SRSF10: variants seen among roughly 807,000 people sequenced by gnomAD.
SRSF10 encodes the protein serine and arginine rich splicing factor 10.
A neutral mutation model predicts 32.6 loss-of-function variants in SRSF10; 9 were observed. The ratio of observed to expected loss-of-function variants is 0.28; its 90% confidence interval spans 0.17 to 0.48. The LOEUF is 0.48. Among genes scored for constraint, SRSF10 ranks in the 20% least tolerant of loss-of-function variants. The pLI is 0.99. For synonymous variants in SRSF10, 105 were observed against 112.4 expected, an observed-to-expected ratio of 0.93 and a Z score of 0.42; for missense variants, 201 against 331.8, an observed-to-expected ratio of 0.61 and a Z score of 3.06.
rs1641607994 is a variant in SRSF10 at position 23,969,279 on chromosome 1, G to A, written c.*1863C>T. Reference sequence around the variant, plus strand: ...GTTTAACCCCACAACTTTCCTCTTTGCTAGAACTGTAAACTACTGCTACAG... The same window carrying A: ...GTTTAACCCCACAACTTTCCTCTTTACTAGAACTGTAAACTACTGCTACAG... On this transcript the variant is annotated 3_prime_UTR_variant, in exon 6 of 6. Coordinates refer to ENST00000492112, the MANE Select transcript of SRSF10 (RefSeq NM_054016.4). 1 of 985,336 alleles carries A rather than the reference G, an allele frequency of 1.0e-6. No individual in the cohort carries two copies. 61.0% of individuals were successfully genotyped at this position (985,336 alleles called of 1,614,324 possible). A position where few individuals can be genotyped will look rare whatever the true frequency, so the allele number is the denominator to read the frequency against.
intron 2 of SRSF10, chr1:23,977,898 T>C (rs951384368): frequency 6.1e-6 from 6 of 983,882 alleles, no homozygotes; most frequent in Non-Finnish European, 7.2e-6. Context: ...AAAATAGTTA[T>C]TCTGTAGGAT....
chr1:23,974,263 C>T (rs1019246329), intron 3 of SRSF10, among the ~76,000 whole-genome samples: 26 of 152,262 alleles, frequency 1.7e-4, no homozygotes, highest in Middle Eastern at 3.4e-3. Flanking sequence ...CTGCACCCTG[C>T]GGTTATTTTA....
Position 23,970,438 on chromosome 1 carries a change from G to T in SRSF10, c.*704C>A. ...TGCAGTGGCGTGATTTTGGCTCACT[G>T]CAACTTCTACCTCCCAGGTTCAAGC... On this transcript the variant is annotated 3_prime_UTR_variant, in exon 6 of 6. Transcript: ENST00000492112. 5.1e-6 allele frequency: 4 copies of T among 790,660 alleles called. No individual in the cohort carries two copies. The highest frequency in any genetic ancestry group is 5.8e-5 in the South Asian group (1 of 17,138). The allele number at this position is 790,660 out of a possible 1,614,324, so 49.0% of individuals were successfully genotyped here.
At position 23,965,254 on chromosome 1, in the gene SRSF10, G is replaced by C. The variant is rs1278675762; in HGVS notation, c.*5888C>G. ...TAGAATGCCCTCAGATTATTCCTGA[G>C]CTATCACTCAAGTCACAGATACTTC... is the stretch of plus-strand genomic sequence containing the variant. On this transcript the variant is annotated 3_prime_UTR_variant, in exon 6 of 6. Coordinates refer to ENST00000492112, the MANE Select transcript of SRSF10 (RefSeq NM_054016.4). 4 of 151,964 alleles carry C rather than the reference G, an allele frequency of 2.6e-5. No individual in the cohort carries two copies. The highest frequency in any genetic ancestry group is 4.4e-5 in the Non-Finnish European group (3 of 67,862). The allele number at this position is 151,964 out of a possible 1,614,324, so 9.4% of individuals were successfully genotyped here.
chr1:23,979,919 C>T (rs111422740), intron 1 of SRSF10, among the ~76,000 whole-genome samples: 1 of 150,412 alleles, frequency 6.6e-6, no homozygotes, highest in African/African-American at 2.5e-5. Context: ...CTGCTCGCGC[C>T]GGCAGGAAGC....
Position 23,980,309 on chromosome 1 carries a change from G to A in SRSF10, c.-54C>T. ...TAACGGGCTCAGCAAACCGTCCGCGGCTCAGGCGGCCGAGCCTCAGACACA... is the reference window on the plus strand; with the variant it reads ...TAACGGGCTCAGCAAACCGTCCGCGACTCAGGCGGCCGAGCCTCAGACACA... On this transcript the variant is annotated 5_prime_UTR_variant, in exon 1 of 6. Coordinates refer to ENST00000492112, the MANE Select transcript of SRSF10 (RefSeq NM_054016.4). The A allele has an allele frequency of 8.7e-6, 12 of 1,385,024 alleles. No homozygotes were observed. The highest frequency in any genetic ancestry group is 1.5e-5 in the African/African-American group (1 of 66,258). 85.8% of individuals were successfully genotyped at this position (1,385,024 alleles called of 1,614,324 possible).
chr1:23,978,671 C>T, intron 2 of SRSF10, 42 bp downstream of exon 2: 3 of 1,584,640 alleles, frequency 1.9e-6, no homozygotes, highest in Non-Finnish European at 2.6e-6. Context: ...GAATTTCAAA[C>T]TTCAACACCC....
rs1641682874 is a variant in SRSF10 at position 23,970,456 on chromosome 1, G to A, written c.*686C>T. ...GCTCACTGCAACTTCTACCTCCCAG[G>A]TTCAAGCGATTCTCTTGCCTCAGCC... On this transcript the variant is annotated 3_prime_UTR_variant, in exon 6 of 6. Coordinates refer to ENST00000492112, the MANE Select transcript of SRSF10 (RefSeq NM_054016.4). 1.5e-6 allele frequency: 1 copy of A among 675,710 alleles called. No homozygotes were observed. The highest frequency in any genetic ancestry group is 1.8e-6 in the Non-Finnish European group (1 of 549,906). The allele number at this position is 675,710 out of a possible 1,614,324, so 41.9% of individuals were successfully genotyped here. A position where few individuals can be genotyped will look rare whatever the true frequency, so the allele number is the denominator to read the frequency against.
chr1:23,967,770 C>T lies in SRSF10; in HGVS notation c.*3372G>A. 1 of 1,607,352 alleles carries T rather than the reference C, an allele frequency of 6.2e-7. No homozygotes were observed. The highest frequency in any genetic ancestry group is 8.5e-7 in the Non-Finnish European group (1 of 1,176,256). On this transcript the variant is annotated 3_prime_UTR_variant, in exon 6 of 6. Coordinates refer to ENST00000492112, the MANE Select transcript of SRSF10 (RefSeq NM_054016.4). ...TGTCAGTTTGGTTTCCTTTATTCTTCTCTGTGGTATACAGGATTTTGTTAG... is the reference window on the plus strand; with the variant it reads ...TGTCAGTTTGGTTTCCTTTATTCTTTTCTGTGGTATACAGGATTTTGTTAG...
At position 23,964,779 on chromosome 1, in the gene SRSF10, A is replaced by G. The variant is rs1490289857; in HGVS notation, c.*6363T>C. The G allele has an allele frequency of 2.0e-5, 3 of 151,974 alleles. No homozygotes were observed. Among genetic ancestry groups the G allele is most frequent in the Non-Finnish European group, 2.9e-5 (2 of 67,870 alleles). 9.4% of individuals were successfully genotyped at this position (151,974 alleles called of 1,614,324 possible). A position where few individuals can be genotyped will look rare whatever the true frequency, so the allele number is the denominator to read the frequency against. On this transcript the variant is annotated 3_prime_UTR_variant, in exon 6 of 6. Transcript: ENST00000492112. ...GTACCCAGGTGGTTACAAATCTAAG[A>G]GCAAAATCTTAAAAAAACCCAAGAT...
At position 23,965,076 on chromosome 1, in the gene SRSF10, CCA is replaced by C. The variant is rs1641389070; in HGVS notation, c.*6064_*6065del. 1.3e-5 allele frequency: 2 copies of C among 151,916 alleles called. No individual in the cohort carries two copies. Among genetic ancestry groups the C allele is most frequent in the Admixed American group, 6.6e-5 (1 of 15,252 alleles). The allele number at this position is 151,916 out of a possible 1,614,324, so 9.4% of individuals were successfully genotyped here. A position where few individuals can be genotyped will look rare whatever the true frequency, so the allele number is the denominator to read the frequency against. ...AAAAACCCAAGAGAAGGAAACTTTT[CCA>C]CAGTGACTAGCAGAATGTCTTGTAG... On this transcript the variant is annotated 3_prime_UTR_variant, in exon 6 of 6. Coordinates refer to ENST00000492112, the MANE Select transcript of SRSF10 (RefSeq NM_054016.4).
intron 1 of SRSF10, among the ~76,000 whole-genome samples, chr1:23,979,740 G>A (rs954303822): frequency 1.3e-5 from 2 of 152,188 alleles, no homozygotes; most frequent in Admixed American, 1.3e-4. Context: ...CAACAACAAA[G>A]ATAAATGGTA....
In SRSF10 at chr1:23,970,072, T is replaced by C. The variant is rs1242657275; in HGVS notation, c.*1070A>G. ...ACTTACTTAACAGCAGTAAGAAAAC[T>C]AAGCAATATTATGGTCAACAACGCT... On this transcript the variant is annotated 3_prime_UTR_variant, in exon 6 of 6. Coordinates refer to ENST00000492112, the MANE Select transcript of SRSF10 (RefSeq NM_054016.4). 1 of 985,310 alleles carries C rather than the reference T, an allele frequency of 1.0e-6. No homozygotes were observed. Among genetic ancestry groups the C allele is most frequent in the Admixed American group, 6.1e-5 (1 of 16,266 alleles). The allele number at this position is 985,310 out of a possible 1,614,324, so 61.0% of individuals were successfully genotyped here. A position where few individuals can be genotyped will look rare whatever the true frequency, so the allele number is the denominator to read the frequency against.
chr1:23,970,195 T>C lies in SRSF10; in HGVS notation c.*947A>G. 2 of 985,368 alleles carry C rather than the reference T, an allele frequency of 2.0e-6. No homozygotes were observed. Among genetic ancestry groups the C allele is most frequent in the Non-Finnish European group, 1.2e-6 (1 of 829,926 alleles). The allele number at this position is 985,368 out of a possible 1,614,324, so 61.0% of individuals were successfully genotyped here. A position where few individuals can be genotyped will look rare whatever the true frequency, so the allele number is the denominator to read the frequency against. On this transcript the variant is annotated 3_prime_UTR_variant, in exon 6 of 6. Transcript: ENST00000492112. Reference sequence around the variant, plus strand: ...TCAAATTTTAAGGTGAGTTTTTGTGTTTTCTATGTTCCAAATCTTCATAGG... The same window carrying C: ...TCAAATTTTAAGGTGAGTTTTTGTGCTTTCTATGTTCCAAATCTTCATAGG...
chr1:23,976,165 A>T (rs1218639080), intron 2 of SRSF10: 1 of 152,206 alleles, frequency 6.6e-6, no homozygotes, highest in Non-Finnish European at 1.5e-5. Context: ...TCTAGTTTGC[A>T]CATTTCTTTT....
At chr1:23,979,643 T>C (rs374450053) in intron 1 of SRSF10, among the ~76,000 whole-genome samples, 1 of 152,162 alleles carries the variant, frequency 6.6e-6, no homozygotes, top group African/African-American at 2.4e-5. Flanking sequence ...AACATTTAAC[T>C]GGAAAAATCT....
intron 3 of SRSF10, among the ~76,000 whole-genome samples, chr1:23,974,455 CT>C (rs1641960520): frequency 6.6e-6 from 1 of 152,174 alleles, no homozygotes; most frequent in Admixed American, 6.5e-5. Flanking sequence ...TCTCCACCTC[CT>C]ACTTACACTT....
In SRSF10 at chr1:23,969,024, T is replaced by G; in HGVS notation, c.*2118A>C. 1.3e-6 allele frequency: 1 copy of G among 758,478 alleles called. No homozygotes were observed. Among genetic ancestry groups the G allele is most frequent in the Non-Finnish European group, 1.6e-6 (1 of 622,682 alleles). The allele number at this position is 758,478 out of a possible 1,614,324, so 47.0% of individuals were successfully genotyped here. ...TATTCCTAAATCTATAAAGGACTGTTTCCATTGTTATTTTAGAATCATATT... is the reference window on the plus strand; with the variant it reads ...TATTCCTAAATCTATAAAGGACTGTGTCCATTGTTATTTTAGAATCATATT... On this transcript the variant is annotated 3_prime_UTR_variant, in exon 6 of 6. Transcript: ENST00000492112.
chr1:23,980,082 G>A, intron 1 of SRSF10, 109 bp downstream of exon 1: 10 of 1,228,772 alleles, frequency 8.1e-6, no homozygotes, highest in South Asian at 1.4e-5. Context: ...CGCGGGACCC[G>A]CCATCTTCAC....
Sources: allele counts gnomAD v4.1 joint callset (sites outside exome capture counted in the v4.1 genomes callset), GRCh38; gene constraint gnomAD v4.1.1; transcripts MANE v1.5; gene names NCBI Gene and HGNC (gene_info 2026-07-23, HGNC 2026-07-21).